Variants in PDE3A observed in about 807,000 individuals in gnomAD.
The protein encoded by PDE3A is phosphodiesterase 3A, also known as cGMP-inhibited 3',5'-cyclic phosphodiesterase 3A.
Under a neutral mutation model 98.3 loss-of-function variants are expected in PDE3A, and 43 were observed. That is an observed-to-expected ratio of 0.44 (90% CI 0.34 to 0.56). The LOEUF (loss-of-function observed/expected upper bound fraction) is 0.56, where lower values mean the gene tolerates loss of function less well. Among genes scored for constraint, PDE3A ranks in the 20% least tolerant of loss-of-function variants. The pLI is 0.01. For synonymous variants in PDE3A, 663 were observed against 567.9 expected (o/e 1.17, Z -2.38); for missense variants, 1,427 against 1,440.7 (o/e 0.99, Z 0.15).
rs770946640 is a variant in PDE3A at position 20,613,595 on chromosome 12, G to C, written c.1164G>C (p.Gln388His). The change falls in exon 3 of 16, where the codon CAG (glutamine) becomes CAC (histidine). Residue 388 changes from glutamine to histidine, a missense_variant. Around this residue, in one of 3 missense-constraint regions of PDE3A, gnomAD observed 1,012 missense variants for 886.5 expected, o/e 1.14. Transcript: ENST00000359062. Reference protein sequence around the residue: ...SNLLSTQLTFQAIHKPRVNPV... With the variant: ...SNLLSTQLTFHAIHKPRVNPV... Reference sequence around the variant, plus strand: ...TGCTCAGCACACAGCTCACCTTCCAGGCCATTCACAAGCCCAGAGTGAATC... The same window carrying C: ...TGCTCAGCACACAGCTCACCTTCCACGCCATTCACAAGCCCAGAGTGAATC... The C allele has an allele frequency of 3.1e-6, 5 of 1,614,058 alleles. No homozygotes were observed. The highest frequency in any genetic ancestry group is 4.2e-6 in the Non-Finnish European group (5 of 1,179,946).
At chr12:20,634,788 A>C in intron 7 of PDE3A, 114 bp from the exon 8 acceptor site, 1 of 727,662 alleles carries the variant, frequency 1.4e-6, no homozygotes, top group Non-Finnish European at 2.4e-6. Context: ...TGCTCAGGAA[A>C]GCAGTATTTC....
At chr12:20,638,117 T>G (rs1944560972) in intron 9 of PDE3A, among the ~76,000 whole-genome samples, 1 of 152,036 alleles carries the variant, frequency 6.6e-6, no homozygotes, top group Admixed American at 6.6e-5. Context: ...CTAACACTTC[T>G]CTGCAAAACA....
intron 1 of PDE3A, among the ~76,000 whole-genome samples, chr12:20,392,514 AATAAATAAATAAATAAATAC>A (rs372420083): frequency 0.016 from 1,161 of 71,146 alleles, 4 homozygotes; most frequent in East Asian, 0.06. Context: ...CTCATAAATA[AATAAATAAATAAATAAATAC>A]ATAAATAAAT....
intron 1 of PDE3A, among the ~76,000 whole-genome samples, chr12:20,407,626 A>G (rs1424985368): frequency 6.6e-6 from 1 of 152,294 alleles, no homozygotes; most frequent in African/African-American, 2.4e-5. Flanking sequence ...ATGCAAGAAG[A>G]TATACCAGCA....
At chr12:20,417,466 C>T (rs6487085) in intron 1 of PDE3A, among the ~76,000 whole-genome samples, 94,113 of 152,064 alleles carry the variant, frequency 0.62, 30,869 homozygotes, top group East Asian at 0.88. Context: ...TTATCCTATT[C>T]TTAATTTCCA....
intron 1 of PDE3A, among the ~76,000 whole-genome samples, chr12:20,397,256 A>G (rs1356341622): frequency 5.3e-5 from 8 of 151,968 alleles, no homozygotes; most frequent in Non-Finnish European, 1.0e-4. Context: ...GTCTCTCTAT[A>G]TGTCTTTATA....
chr12:20,674,497 G>A (rs1388241480), intron 15 of PDE3A, among the ~76,000 whole-genome samples: 1 of 152,130 alleles, frequency 6.6e-6, no homozygotes, highest in Non-Finnish European at 1.5e-5. Flanking sequence ...TTATCATGAA[G>A]TGATGTTGAA....
At chr12:20,582,404 G>T (rs1943089110) in intron 2 of PDE3A, among the ~76,000 whole-genome samples, 1 of 152,044 alleles carries the variant, frequency 6.6e-6, no homozygotes. Flanking sequence ...ATCTTGGTCA[G>T]GCTGGCCTCG....
At chr12:20,604,221 G>C (rs1449273823) in intron 2 of PDE3A, among the ~76,000 whole-genome samples, 1 of 148,432 alleles carries the variant, frequency 6.7e-6, no homozygotes. Context: ...GGGAGGGGAG[G>C]AGAGGGGAGG....
At chr12:20,647,030 C>T (rs1944791125) in intron 12 of PDE3A, 80 bp downstream of exon 12, 6 of 985,536 alleles carry the variant, frequency 6.1e-6, no homozygotes, top group Non-Finnish European at 6.4e-6. Context: ...TTATAACAGG[C>T]ACCAAGTTAA....
At chr12:20,589,868 T>TAAAAAAA in intron 2 of PDE3A, among the ~76,000 whole-genome samples, 1 of 112,398 alleles carries the variant, frequency 8.9e-6, no homozygotes, top group Non-Finnish European at 1.8e-5. Flanking sequence ...GACTGCATCT[T>TAAAAAAA]AAAAAAAAAA....
chr12:20,533,999 A>G (rs111720943), intron 1 of PDE3A, among the ~76,000 whole-genome samples: 5,993 of 152,072 alleles, frequency 0.039, 188 homozygotes, highest in Middle Eastern at 0.14. Flanking sequence ...TCACATTCTT[A>G]GCATCTGCCA....
chr12:20,515,899 A>AT (rs1269614544), intron 1 of PDE3A, among the ~76,000 whole-genome samples: 5 of 149,488 alleles, frequency 3.3e-5, no homozygotes, highest in African/African-American at 1.2e-4. Context: ...CGCCCGGCTA[A>AT]TTTTTTGTAT....
chr12:20,634,950 A>T lies in PDE3A; in HGVS notation c.1895A>T (p.Asp632Val). The change falls in exon 8 of 16, where the codon GAC (aspartate) becomes GTC (valine). Residue 632 changes from aspartate (D) to valine (V), a missense_variant. Transcript: ENST00000359062. ...TSDYETNNNS[D>V]SSDIVQNEDE... is the part of the protein sequence containing the mutation. ...GATTATGAAACCAATAACAACAGTG[A>T]CAGCAGTGACATTGTACAGAATGAA... The T allele has an allele frequency of 6.2e-7, 1 of 1,608,006 alleles. No individual in the cohort carries two copies. Among genetic ancestry groups the T allele is most frequent in the Non-Finnish European group, 8.5e-7 (1 of 1,174,456 alleles).
intron 1 of PDE3A, among the ~76,000 whole-genome samples, chr12:20,550,633 A>T (rs1280933303): frequency 6.6e-6 from 1 of 152,130 alleles, no homozygotes; most frequent in African/African-American, 2.4e-5. Flanking sequence ...TATAATGATT[A>T]TCTGGGTCAG....
chr12:20,370,513 C>T (rs995731730), intron 1 of PDE3A, among the ~76,000 whole-genome samples: 3 of 151,422 alleles, frequency 2.0e-5, no homozygotes, highest in Non-Finnish European at 4.4e-5. Context: ...TAGGGTCTTC[C>T]ACAGCTGGGC....
chr12:20,640,573 AC>A (rs972437633), intron 10 of PDE3A, among the ~76,000 whole-genome samples: 13 of 152,114 alleles, frequency 8.5e-5, no homozygotes, highest in African/African-American at 3.1e-4. Context: ...AAATGGAAAG[AC>A]CCAAGGAAAA....
chr12:20,496,635 T>A (rs572014060), intron 1 of PDE3A, among the ~76,000 whole-genome samples: 3 of 152,242 alleles, frequency 2.0e-5, no homozygotes, highest in Admixed American at 6.5e-5. Context: ...CTGTCCACGT[T>A]CCGTTGTTGG....
At chr12:20,602,215 T>A (rs1413639956) in intron 2 of PDE3A, among the ~76,000 whole-genome samples, 1 of 152,186 alleles carries the variant, frequency 6.6e-6, no homozygotes, top group Non-Finnish European at 1.5e-5. Context: ...ATTTATTATA[T>A]CTTTGCCAGC....
Sources: gnomAD v4.1 joint callset for allele counts (sites outside exome capture counted in the v4.1 genomes callset) on GRCh38, gnomAD v4.1.1 for gene constraint, gnomAD v4.1.1 regional missense constraint, MANE v1.5 for transcripts, NCBI Gene and HGNC (gene_info 2026-07-23, HGNC 2026-07-21) for gene names.